The following MAF variants were observed in gnomAD, a reference collection of about 807,000 sequenced individuals.
MAF encodes MAF bZIP transcription factor.
MAF carries 10 observed loss-of-function variants against 22.0 expected under a neutral mutation model. The observed-to-expected ratio is 0.45, with a 90% CI of 0.28 to 0.77. The LOEUF (loss-of-function observed/expected upper bound fraction) is 0.77, where lower values mean the gene tolerates loss of function less well. Among genes scored for constraint, MAF ranks in the 30% least tolerant of loss-of-function variants. MAF has a pLI of 0.12. For synonymous variants in MAF, 337 were observed against 255.8 expected, an observed-to-expected ratio of 1.32 and a Z score of -3.03; for missense variants, 544 against 548.4, an observed-to-expected ratio of 0.99 and a Z score of 0.08.
chr16:79,211,034 A>AGAGTGTGTGTGTGTGT, the MAF span, among the ~76,000 whole-genome samples: 7 of 149,602 alleles, frequency 4.7e-5, no homozygotes, highest in Non-Finnish European at 7.4e-5. Context: ...TATGGTGAGG[A>AGAGTGTGTGTGTGTGT]GTGTGTGTGT....
chr16:79,598,870 T>G lies in MAF; in HGVS notation c.1033A>C (p.Lys345Gln). ...SRLVRERDAY[K>Q]EKYEKLVSSG... ...CTCACCAACTTCTCGTATTTCTCCTTGTACGCGTCCCTCTCGCGCACCAGC... is the reference window on the plus strand; with the variant it reads ...CTCACCAACTTCTCGTATTTCTCCTGGTACGCGTCCCTCTCGCGCACCAGC... Residue 345 changes from lysine to glutamine, a missense_variant, in exon 1 of 2, where the codon AAG becomes CAG. Around this residue, in one of 5 missense-constraint regions of MAF, gnomAD observed 129 missense variants for 113.6 expected, o/e 1.14. Coordinates refer to ENST00000326043, the MANE Select transcript of MAF (RefSeq NM_005360.5). The G allele has an allele frequency of 6.2e-7, 1 of 1,613,838 alleles. No individual in the cohort carries two copies. Among genetic ancestry groups the G allele is most frequent in the Non-Finnish European group, 8.5e-7 (1 of 1,179,976 alleles).
intron 1 of MAF, 111 bp downstream of exon 1, chr16:79,598,674 G>T (rs1041667485): frequency 6.4e-7 from 1 of 1,552,486 alleles, no homozygotes; most frequent in African/African-American, 1.4e-5. Flanking sequence ...TGGGGGTGGG[G>T]GTGGTGAGGT....
the MAF span, among the ~76,000 whole-genome samples, chr16:79,575,736 C>G: frequency 6.6e-6 from 1 of 152,168 alleles, no homozygotes; most frequent in Non-Finnish European, 1.5e-5. Context: ...TTCCCGCTAG[C>G]CAGCTTCTAT....
the MAF span, among the ~76,000 whole-genome samples, chr16:79,390,082 T>C: frequency 6.6e-6 from 1 of 151,112 alleles, no homozygotes; most frequent in Admixed American, 6.6e-5. Flanking sequence ...AGCATCTGTG[T>C]GTGTGTGTGC....
At chr16:79,211,426 G>A in the MAF span, among the ~76,000 whole-genome samples, 22 of 152,154 alleles carry the variant, frequency 1.4e-4, no homozygotes, top group Non-Finnish European at 2.6e-4. Flanking sequence ...CGTTTTTCCA[G>A]GATAGTCACA....
the MAF span, among the ~76,000 whole-genome samples, chr16:79,234,584 G>A: frequency 1.3e-5 from 2 of 151,982 alleles, no homozygotes; most frequent in Non-Finnish European, 2.9e-5. Flanking sequence ...TGCAAAAGTC[G>A]GCTTCAGGAC....
the MAF span, among the ~76,000 whole-genome samples, chr16:79,545,026 C>T: frequency 2.0e-5 from 3 of 152,122 alleles, no homozygotes; most frequent in African/African-American, 7.2e-5. Flanking sequence ...CCACTGGCTC[C>T]CTCAGGCCAG....
the MAF span, among the ~76,000 whole-genome samples, chr16:79,561,168 C>G: frequency 3.8e-4 from 58 of 152,326 alleles, no homozygotes; most frequent in African/African-American, 1.4e-3. Context: ...TTCTCTTCCA[C>G]ATGATGCCCC....
the MAF span, among the ~76,000 whole-genome samples, chr16:79,492,283 T>C: frequency 3.3e-3 from 504 of 152,186 alleles, 1 homozygote; most frequent in Middle Eastern, 6.8e-3. Context: ...GACGCATTCA[T>C]TCCGGGTGCA....
At chr16:79,560,818 A>T in the MAF span, among the ~76,000 whole-genome samples, 1 of 152,128 alleles carries the variant, frequency 6.6e-6, no homozygotes, top group Non-Finnish European at 1.5e-5. Flanking sequence ...CTACCCTCCC[A>T]ACTCCCCTGT....
the MAF span, among the ~76,000 whole-genome samples, chr16:79,462,421 G>C: frequency 6.6e-6 from 1 of 152,130 alleles, no homozygotes; most frequent in Non-Finnish European, 1.5e-5. Context: ...CTACAGCAAC[G>C]AGTTTAGAAG....
chr16:79,590,395 C>G (rs572924678), downstream of MAF, among the ~76,000 whole-genome samples: 10 of 152,194 alleles, frequency 6.6e-5, no homozygotes, highest in African/African-American at 2.4e-4. Context: ...CTCTGCATAG[C>G]GCTGTCTGTG....
the MAF span, among the ~76,000 whole-genome samples, chr16:79,411,870 C>G: frequency 6.6e-6 from 1 of 152,190 alleles, no homozygotes; most frequent in Non-Finnish European, 1.5e-5. Flanking sequence ...GCACTCATTT[C>G]TGTGTTTCCT....
the MAF span, among the ~76,000 whole-genome samples, chr16:79,262,660 C>T: frequency 6.6e-6 from 1 of 152,152 alleles, no homozygotes; most frequent in African/African-American, 2.4e-5. Context: ...TGGGCCCTTA[C>T]AGTCTTACAG....
the MAF span, among the ~76,000 whole-genome samples, chr16:79,371,687 G>C: frequency 1.5e-4 from 23 of 152,250 alleles, no homozygotes; most frequent in South Asian, 3.3e-3. Context: ...TCATCATTCA[G>C]GCCTCAGGTC....
chr16:79,443,390 T>C, the MAF span, among the ~76,000 whole-genome samples: 5 of 152,132 alleles, frequency 3.3e-5, no homozygotes, highest in African/African-American at 1.2e-4. Flanking sequence ...CTCCAGGCCA[T>C]ATCTGGCAGC....
the MAF span, among the ~76,000 whole-genome samples, chr16:79,408,543 G>T: frequency 6.6e-6 from 1 of 152,092 alleles, no homozygotes; most frequent in East Asian, 1.9e-4. Context: ...CTGCACCTCA[G>T]TTTCCTTCTC....
the MAF span, among the ~76,000 whole-genome samples, chr16:79,328,217 G>C: frequency 1.3e-5 from 2 of 152,050 alleles, no homozygotes; most frequent in African/African-American, 4.8e-5. Flanking sequence ...TATTTTCAGA[G>C]GGCATTGCCT....
At chr16:79,230,730 G>C in the MAF span, among the ~76,000 whole-genome samples, 4 of 152,072 alleles carry the variant, frequency 2.6e-5, no homozygotes, top group Non-Finnish European at 4.4e-5. Flanking sequence ...ATGATGGAGT[G>C]TGCTTTCTGA....
Sources: allele counts gnomAD v4.1 joint callset (sites outside exome capture counted in the v4.1 genomes callset), GRCh38; gene constraint gnomAD v4.1.1; regional missense constraint gnomAD v4.1.1; transcripts MANE v1.5; gene names NCBI Gene and HGNC (gene_info 2026-07-23, HGNC 2026-07-21).